Variants in SLC9B1 observed in about 807,000 individuals in gnomAD.
SLC9B1 encodes the protein sodium/hydrogen exchanger 9B1.
Under a neutral mutation model 51.7 loss-of-function variants are expected in SLC9B1, and 32 were observed. The observed-to-expected ratio is 0.62, with a 90% CI of 0.47 to 0.83. The LOEUF (loss-of-function observed/expected upper bound fraction) is 0.83. SLC9B1 is among the 40% of genes least tolerant of loss of function. The pLI is 0.00. For synonymous variants in SLC9B1, 145 were observed against 212.7 expected (o/e 0.68, Z 2.77); for missense variants, 406 against 613.2 (o/e 0.66, Z 3.57).
At chr4:102,970,293 G>A (rs1162958268) in intron 3 of SLC9B1, among the ~76,000 whole-genome samples, 1 of 152,150 alleles carries the variant, frequency 6.6e-6, no homozygotes, top group Non-Finnish European at 1.5e-5. Context: ...AGATCTCTTG[G>A]CAGAAACCCT....
At position 102,934,946 on chromosome 4, in the gene SLC9B1, A is replaced by C. The variant is rs1736644772; in HGVS notation, c.654-2647T>G. On this transcript the variant is annotated intron_variant, in intron 6 of 11. Transcript: ENST00000296422. Reference sequence around the variant, plus strand: ...ACAATAAAGTACTACTTCAAAAGCAATTCTGCTCTTTCTCCCCCTTTTTTT... The same window carrying C: ...ACAATAAAGTACTACTTCAAAAGCACTTCTGCTCTTTCTCCCCCTTTTTTT... Among the ~76,000 whole-genome samples, 3 of 152,172 alleles carry C rather than the reference A, an allele frequency of 2.0e-5. No homozygotes were observed. In the South Asian group the frequency reaches 6.2e-4, roughly 31 times the overall value.
chr4:102,918,404 A>G (rs1201954333), intron 7 of SLC9B1, among the ~76,000 whole-genome samples: 1 of 152,240 alleles, frequency 6.6e-6, no homozygotes, highest in African/African-American at 2.4e-5. Flanking sequence ...TCAGGAATCA[A>G]AAACCTCCCA....
At chr4:103,012,910 G>A (rs898956859) in intron 1 of SLC9B1, among the ~76,000 whole-genome samples, 3 of 152,128 alleles carry the variant, frequency 2.0e-5, no homozygotes, top group Admixed American at 2.0e-4. Context: ...ACATTCATGA[G>A]GGCAGATCCC....
rs894701698 is a variant in SLC9B1, at chr4:102,963,496, C to A, written c.212-14069G>T. On this transcript the variant is annotated intron_variant, in intron 3 of 11. Coordinates refer to ENST00000296422, the MANE Select transcript of SLC9B1 (RefSeq NM_139173.4). ...CAGGGCAGAGTCATTTCAGTAAAAG[C>A]CATTTCTTTATGTGTTGACTGTTGT... is the stretch of plus-strand genomic sequence containing the variant. Among the ~76,000 whole-genome samples the A allele has an allele frequency of 1.0e-4, 15 of 149,898 alleles. No individual in the cohort carries two copies. In the East Asian group the frequency reaches 1.9e-3, roughly 19 times the overall value.
intron 3 of SLC9B1, among the ~76,000 whole-genome samples, chr4:102,958,561 G>C (rs780411402): frequency 1.3e-5 from 2 of 152,168 alleles, no homozygotes; most frequent in Non-Finnish European, 2.9e-5. Flanking sequence ...AAAGGTGAGA[G>C]GACTGATTGA....
intron 6 of SLC9B1, among the ~76,000 whole-genome samples, chr4:102,938,380 C>T (rs1463300156): frequency 1.3e-5 from 2 of 152,156 alleles, no homozygotes; most frequent in Non-Finnish European, 2.9e-5. Context: ...AAAACAAGTT[C>T]ATAGAGACCT....
At chr4:102,917,997 G>T (rs1005663217) in intron 7 of SLC9B1, among the ~76,000 whole-genome samples, 1 of 150,404 alleles carries the variant, frequency 6.6e-6, no homozygotes, top group Non-Finnish European at 1.5e-5. Flanking sequence ...TGAACCGGGA[G>T]GCAGAGGCTG....
At chr4:102,950,047 T>C (rs1294945662) in intron 3 of SLC9B1, among the ~76,000 whole-genome samples, 1 of 152,200 alleles carries the variant, frequency 6.6e-6, no homozygotes, top group East Asian at 1.9e-4. Flanking sequence ...AAAAACATCA[T>C]GGCAATATGA....
chr4:102,892,125 C>G (rs1253122622), intron 11 of SLC9B1: 1 of 152,218 alleles, frequency 6.6e-6, no homozygotes, highest in Admixed American at 6.5e-5. Context: ...GGGGCATGAT[C>G]GTAGCTCACT....
downstream of SLC9B1, among the ~76,000 whole-genome samples, chr4:102,898,512 GC>G (rs1460084813): frequency 6.6e-6 from 1 of 152,142 alleles, no homozygotes; most frequent in African/African-American, 2.4e-5. Flanking sequence ...ATAATTTTCA[GC>G]AAAGTATAAA....
At chr4:102,955,870 A>AAAGAAAGG (rs1737770428) in intron 3 of SLC9B1, among the ~76,000 whole-genome samples, 1 of 138,438 alleles carries the variant, frequency 7.2e-6, no homozygotes, top group Admixed American at 7.2e-5. Context: ...AGAAAGAAAG[A>AAAGAAAGG]AAGAAAGAAA....
intron 1 of SLC9B1, among the ~76,000 whole-genome samples, chr4:103,019,068 C>A (rs1243672655): frequency 6.6e-6 from 1 of 152,106 alleles, no homozygotes; most frequent in Admixed American, 6.5e-5. Context: ...AAACTGATCC[C>A]TGGTGCCAAA....
intron 7 of SLC9B1, among the ~76,000 whole-genome samples, chr4:102,913,796 T>TAAAAAAAA (rs61244946): frequency 1.4e-5 from 1 of 71,450 alleles, no homozygotes; most frequent in Admixed American, 1.5e-4. Context: ...AGATAGAAAC[T>TAAAAAAAA]AAAAAAAAAA....
intron 11 of SLC9B1, chr4:102,890,603 G>A (rs1436642501): frequency 6.6e-6 from 1 of 152,094 alleles, no homozygotes; most frequent in African/African-American, 2.4e-5. Context: ...CACTTTGGGA[G>A]GCTGAGGTGG....
At chr4:102,973,611 G>A (rs1738876564) in intron 3 of SLC9B1, among the ~76,000 whole-genome samples, 1 of 152,098 alleles carries the variant, frequency 6.6e-6, no homozygotes, top group Non-Finnish European at 1.5e-5. Context: ...AAAGTCTTAG[G>A]AGAACTGAAC....
rs188364504 is a variant in SLC9B1 at position 102,981,194 on chromosome 4, T to C, written c.211+8606A>G. On this transcript the variant is annotated intron_variant, in intron 3 of 11. Transcript: ENST00000296422. ...CTTGATAGGTCATTTCTTTTCAGTA[T>C]TGAATAATATTCCACTTTCTAGATG... is the stretch of plus-strand genomic sequence containing the variant. 3.0e-4 allele frequency among the ~76,000 whole-genome samples: 45 copies of C among 152,310 alleles called. 1 individual carries two copies. Among genetic ancestry groups the C allele is most frequent in the Admixed American group, 6.5e-4 (10 of 15,276 alleles).
chr4:102,989,874 A>G lies in SLC9B1; in HGVS notation c.137T>C (p.Ile46Thr), dbSNP rs761186814. The G allele has an allele frequency of 6.2e-7, 1 of 1,601,294 alleles. No individual in the cohort carries two copies. Residue 46 changes from isoleucine to threonine, a missense_variant, in exon 3 of 12, where the codon ATA becomes ACA. Ile to Thr is a moderately conservative substitution (Grantham distance 89). Around this residue, in one of 6 missense-constraint regions of SLC9B1, gnomAD observed 108 missense variants for 94.5 expected, o/e 1.14. Coordinates refer to ENST00000296422, the MANE Select transcript of SLC9B1 (RefSeq NM_139173.4). The part of the protein sequence containing the change: ...TKTVLSDTEE[I>T]KPQTKKETYI... ...TGTCTCCTTTTTTGTCTGTGGTTTT[A>G]TTTCTTCTGTATCTGATAAGACAGT... is the stretch of plus-strand genomic sequence containing the variant.
intron 11 of SLC9B1, among the ~76,000 whole-genome samples, chr4:102,903,921 G>A (rs138509644): frequency 1.3e-5 from 2 of 152,112 alleles, no homozygotes; most frequent in African/African-American, 2.4e-5. Flanking sequence ...AAGGGGGCAG[G>A]GGCAGGGATT....
intron 7 of SLC9B1, among the ~76,000 whole-genome samples, chr4:102,926,321 A>T (rs1281843990): frequency 6.6e-6 from 1 of 152,270 alleles, no homozygotes; most frequent in African/African-American, 2.4e-5. Context: ...CTGTTTGCAG[A>T]TGACATGATT....
Sources: allele counts gnomAD v4.1 joint callset (sites outside exome capture counted in the v4.1 genomes callset), GRCh38; gene constraint gnomAD v4.1.1; regional missense constraint gnomAD v4.1.1; transcripts MANE v1.5; gene names NCBI Gene and HGNC (gene_info 2026-07-23, HGNC 2026-07-21).